Variants in METTL16 observed in about 807,000 individuals in gnomAD.
The protein encoded by METTL16 is methyltransferase 16, RNA N6-adenosine, also known as RNA N(6)-adenosine-methyltransferase METTL16.
Under a neutral mutation model 57.9 loss-of-function variants are expected in METTL16, and 19 were observed. The observed-to-expected ratio is 0.33, with a 90% CI of 0.23 to 0.48. The LOEUF (loss-of-function observed/expected upper bound fraction) is 0.48. Among genes scored for constraint, METTL16 ranks in the 20% least tolerant of loss-of-function variants. METTL16 has a pLI of 0.99. For synonymous variants in METTL16, 246 were observed against 255.6 expected (o/e 0.96, Z 0.36); for missense variants, 434 against 691.5 (o/e 0.63, Z 4.18).
chr17:2,498,845 T>C (rs1303607762), intron 2 of METTL16, among the ~76,000 whole-genome samples: 1 of 151,536 alleles, frequency 6.6e-6, no homozygotes, highest in Non-Finnish European at 1.5e-5. Flanking sequence ...GTGGGCCTTA[T>C]AAAGCACCAC....
chr17:2,466,979 T>C (rs911349279), intron 5 of METTL16, among the ~76,000 whole-genome samples: 1 of 151,838 alleles, frequency 6.6e-6, no homozygotes, highest in Non-Finnish European at 1.5e-5. Context: ...ATTGTTTTTG[T>C]AGTTTTTGTA....
rs935245370 is a variant in METTL16, at chr17:2,417,749, GTTAT to G, written c.*2217_*2220del. On this transcript the variant is annotated 3_prime_UTR_variant, in exon 10 of 10. Transcript: ENST00000263092. The stretch of plus-strand genomic sequence containing the variant: ...AAGGAACACGCCAATGCCAAGAGTG[GTTAT>G]GTTACAGAAGGTTGGGACTCGGGGT... 6.6e-6 allele frequency: 1 copy of G among 152,158 alleles called. No homozygotes were observed. Among genetic ancestry groups the G allele is most frequent in the Non-Finnish European group, 1.5e-5 (1 of 68,038 alleles). The allele number at this position is 152,158 out of a possible 1,614,324, so 9.4% of individuals were successfully genotyped here.
At chr17:2,441,349 G>A (rs1171695682) in intron 7 of METTL16, 141 bp downstream of exon 7, 2 of 530,372 alleles carry the variant, frequency 3.8e-6, no homozygotes, top group Non-Finnish European at 6.2e-6. Context: ...CATGCACAAC[G>A]ACATGAATTG....
At chr17:2,483,578 T>TA (rs2067321977) in intron 2 of METTL16, among the ~76,000 whole-genome samples, 2 of 152,314 alleles carry the variant, frequency 1.3e-5, no homozygotes, top group East Asian at 3.9e-4. Context: ...AAAAGAGGGT[T>TA]AATCCAGGGG....
At chr17:2,440,994 AAAGAAGAAG>A (rs56938960) in intron 7 of METTL16, among the ~76,000 whole-genome samples, 3 of 118,898 alleles carry the variant, frequency 2.5e-5, no homozygotes, top group African/African-American at 1.4e-4. Context: ...AAAAAAAAAA[AAAGAAGAAG>A]AAGAAGAAGA....
chr17:2,504,465 T>C, intron 1 of METTL16, among the ~76,000 whole-genome samples: 1 of 152,204 alleles, frequency 6.6e-6, no homozygotes, highest in Non-Finnish European at 1.5e-5. Flanking sequence ...TGAAAAGTAT[T>C]CCTTTAAGAG....
chr17:2,448,790 A>AAAATAAAAT (rs1555617285), intron 6 of METTL16, among the ~76,000 whole-genome samples: 6 of 112,204 alleles, frequency 5.3e-5, no homozygotes, highest in African/African-American at 2.6e-4. Context: ...ATAAAAAAAT[A>AAAATAAAAT]AAAATAAAAT....
chr17:2,449,576 CA>C (rs2067053362), intron 6 of METTL16, among the ~76,000 whole-genome samples: 1 of 152,080 alleles, frequency 6.6e-6, no homozygotes, highest in South Asian at 2.1e-4. Context: ...TGCCAGATTT[CA>C]AGACTTCTAC....
intron 1 of METTL16, among the ~76,000 whole-genome samples, chr17:2,508,890 C>T (rs938062352): frequency 6.6e-6 from 1 of 152,210 alleles, no homozygotes; most frequent in African/African-American, 2.4e-5. Context: ...TACTGGTCTT[C>T]TTCCATTTTC....
At chr17:2,499,512 A>T (rs1187287360) in intron 2 of METTL16, among the ~76,000 whole-genome samples, 1 of 152,078 alleles carries the variant, frequency 6.6e-6, no homozygotes, top group African/African-American at 2.4e-5. Flanking sequence ...ATCCACGTAT[A>T]TCACTATGAA....
At chr17:2,506,699 A>G (rs1260477330) in intron 1 of METTL16, among the ~76,000 whole-genome samples, 1 of 152,000 alleles carries the variant, frequency 6.6e-6, no homozygotes, top group African/African-American at 2.4e-5. Flanking sequence ...GCCTCTGCCC[A>G]GCCGCCACCC....
intron 2 of METTL16, among the ~76,000 whole-genome samples, chr17:2,480,185 C>CAA (rs953770502): frequency 4.5e-4 from 28 of 61,858 alleles, no homozygotes; most frequent in African/African-American, 1.3e-3. Flanking sequence ...GACTCTGTCT[C>CAA]AAAAAAAAAA....
In METTL16 at chr17:2,430,412, CTT is replaced by C. The variant is rs903960118; in HGVS notation, c.888+7695_888+7696del. Among the ~76,000 whole-genome samples, 449 of 118,408 alleles carry C rather than the reference CTT, an allele frequency of 3.8e-3. 1 individual carries two copies. The highest frequency in any genetic ancestry group is 0.014 in the African/African-American group (428 of 29,928). 77.7% of individuals were successfully genotyped at this position (118,408 alleles called of 152,430 possible). ...TATTCAGATATATTTTTAGAATTCT[CTT>C]TTTTTTTTTTTTTTTTTTTGAGACG... On this transcript the variant is annotated intron_variant, in intron 8 of 9. Coordinates refer to ENST00000263092, the MANE Select transcript of METTL16 (RefSeq NM_024086.4).
intron 8 of METTL16, among the ~76,000 whole-genome samples, chr17:2,430,487 C>T (rs12939890): frequency 7.1e-6 from 1 of 141,444 alleles, no homozygotes; most frequent in African/African-American, 2.7e-5. Flanking sequence ...GGGATCTCGG[C>T]TCACTGCAAG....
rs1004696897 is a variant in METTL16, at chr17:2,416,435, G to A, written c.*3535C>T. ...AGCTTTGATTTCCATCGAGAGGAAAGGCTTTATGTTTTATAAAAAATATAT... is the reference window on the plus strand; with the variant it reads ...AGCTTTGATTTCCATCGAGAGGAAAAGCTTTATGTTTTATAAAAAATATAT... On this transcript the variant is annotated 3_prime_UTR_variant, in exon 10 of 10. Transcript: ENST00000263092. 6.6e-6 allele frequency: 1 copy of A among 152,188 alleles called. No homozygotes were observed. The highest frequency in any genetic ancestry group is 2.4e-5 in the African/African-American group (1 of 41,444). The allele number at this position is 152,188 out of a possible 1,614,324, so 9.4% of individuals were successfully genotyped here. A position where few individuals can be genotyped will look rare whatever the true frequency, so the allele number is the denominator to read the frequency against.
chr17:2,500,610 C>T (rs1334598360), intron 2 of METTL16, among the ~76,000 whole-genome samples: 1 of 152,014 alleles, frequency 6.6e-6, no homozygotes, highest in African/African-American at 2.4e-5. Context: ...CCTTTTTCTC[C>T]TCTAATCCTG....
Position 2,506,729 on chromosome 17 carries a change from G to A in METTL16, c.1-4398C>T, listed in dbSNP as rs558932096. 2.2e-3 allele frequency among the ~76,000 whole-genome samples: 342 copies of A among 152,032 alleles called. 1 individual carries two copies. Among genetic ancestry groups the A allele is most frequent in the Non-Finnish European group, 3.9e-3 (267 of 67,966 alleles). On this transcript the variant is annotated intron_variant, in intron 1 of 9. Transcript: ENST00000263092. The stretch of plus-strand genomic sequence containing the variant: ...CCACCCCGTCTGGGAAGTGAGGAGC[G>A]TCTCTGCCTGGCCGCCCATCATCTG...
intron 2 of METTL16, among the ~76,000 whole-genome samples, chr17:2,491,296 G>A (rs1012490078): frequency 6.6e-6 from 1 of 152,194 alleles, no homozygotes; most frequent in African/African-American, 2.4e-5. Context: ...ATTGTCAACA[G>A]GCTCATGGCC....
At chr17:2,487,003 C>CCAA (rs777261459) in intron 2 of METTL16, among the ~76,000 whole-genome samples, 3 of 57,422 alleles carry the variant, frequency 5.2e-5, no homozygotes, top group African/African-American at 7.7e-5. Flanking sequence ...GATCCTGTCT[C>CCAA]AAAAAAAAAA....
Sources: gnomAD v4.1 joint callset for allele counts (sites outside exome capture counted in the v4.1 genomes callset) on GRCh38, gnomAD v4.1.1 for gene constraint, MANE v1.5 for transcripts, NCBI Gene and HGNC (gene_info 2026-07-23, HGNC 2026-07-21) for gene names.